GTF3C4: variants seen among roughly 807,000 people sequenced by gnomAD.
The protein encoded by GTF3C4 is general transcription factor 3C polypeptide 4.
GTF3C4 carries 28 observed loss-of-function variants against 67.5 expected under a neutral mutation model. The observed-to-expected ratio is 0.41, with a 90% CI of 0.31 to 0.57. GTF3C4 has a LOEUF of 0.57. GTF3C4 is among the 20% of genes least tolerant of loss of function. The pLI is 0.21. For missense variants in GTF3C4, 831 were observed against 1,033.2 expected (o/e 0.80, Z 2.68); for synonymous variants, 409 against 393.0 (o/e 1.04, Z -0.48).
At chr9:132,670,430 T>C, upstream of GTF3C4, 3 of 977,736 alleles carry the variant, frequency 3.1e-6, no homozygotes, top group Non-Finnish European at 2.8e-6. Context: ...GGCCACCTGG[T>C]AGGGCCGCGT....
chr9:132,673,583 T>C lies in GTF3C4; in HGVS notation c.357+2628T>C, dbSNP rs540134293. Among the ~76,000 whole-genome samples, 30 of 152,326 alleles carry C rather than the reference T, an allele frequency of 2.0e-4. No individual in the cohort carries two copies. The South Asian group carries it at 5.8e-3, about 29-fold the overall frequency. On this transcript the variant is annotated intron_variant, in intron 1 of 4. Coordinates refer to ENST00000372146, the MANE Select transcript of GTF3C4 (RefSeq NM_012204.4). ...TGTAAAGAAGTCTGTGTCAGCACTT[T>C]GATGACTCCACCCATTGGCAGTCTG...
chr9:132,688,138 A>G (rs1836059065), intron 4 of GTF3C4, among the ~76,000 whole-genome samples: 1 of 152,250 alleles, frequency 6.6e-6, no homozygotes, highest in African/African-American at 2.4e-5. Flanking sequence ...CACAAAAGGA[A>G]AGAGAAGGGT....
intron 1 of GTF3C4, among the ~76,000 whole-genome samples, chr9:132,676,120 C>T (rs527436459): frequency 4.0e-5 from 6 of 151,730 alleles, no homozygotes; most frequent in African/African-American, 9.7e-5. Flanking sequence ...AGGATGGTCT[C>T]GATCTCCTGA....
Position 132,678,793 on chromosome 9 carries a change from G to T in GTF3C4, c.1174G>T (p.Val392Leu), listed in dbSNP as rs1329604663. The T allele has an allele frequency of 5.0e-6, 8 of 1,613,788 alleles. No homozygotes were observed. Among genetic ancestry groups the T allele is most frequent in the African/African-American group, 1.3e-5 (1 of 74,924 alleles). The stretch of plus-strand genomic sequence containing the variant: ...CCAGAAGTGTAGTTGCAGCTTAGTA[G>T]TGGCTGCAAGAGGCTCTTATGTATT... ...PYQKCSCSLVVAARGSYVFWC... is the reference protein window; with the variant it reads ...PYQKCSCSLVLAARGSYVFWC... Residue 392 changes from valine (V) to leucine (L), a missense_variant, in exon 2 of 5, where the codon GTG (valine) becomes TTG (leucine). Transcript: ENST00000372146. This position sits in a 1 kb window ranked among gnomAD's most constrained non-coding sequence, Gnocchi z 6.5.
At chr9:132,680,997 A>C (rs1835934761) in intron 2 of GTF3C4, among the ~76,000 whole-genome samples, 1 of 152,198 alleles carries the variant, frequency 6.6e-6, no homozygotes, top group Non-Finnish European at 1.5e-5. Flanking sequence ...AATCCCAGCT[A>C]CTTGGGAGGC....
intron 2 of GTF3C4, 24 bp from the exon 3 acceptor site, chr9:132,683,537 CTT>C (rs777153027): frequency 6.3e-7 from 1 of 1,596,694 alleles, no homozygotes; most frequent in Admixed American, 1.8e-5. Flanking sequence ...TTACACTAAA[CTT>C]TGCTGACTAC....
At position 132,679,692 on chromosome 9, in the gene GTF3C4, C is replaced by T; in HGVS notation, c.2073C>T (p.Val691=). 1.2e-6 allele frequency: 2 copies of T among 1,614,136 alleles called. No homozygotes were observed. The stretch of plus-strand genomic sequence containing the variant: ...TGACCAGGGAACACATGAAGCGAGT[C>T]TTAGGAGAAGTGTATCTGCACACCT... The part of the protein sequence containing the change: ...MHLTREHMKR[V]LGEVYLHTWI... The change falls in exon 2 of 5, where the codon GTC becomes GTT. Residue 691 remains valine (V), a synonymous_variant. Coordinates refer to ENST00000372146, the MANE Select transcript of GTF3C4 (RefSeq NM_012204.4). The surrounding 1 kb of genome is among the most constrained non-coding windows in gnomAD (Gnocchi z 5.9).
rs1836166736 is a variant in GTF3C4 at position 132,694,495 on chromosome 9, C to T, written c.*5550C>T. On this transcript the variant is annotated 3_prime_UTR_variant, in exon 5 of 5. Coordinates refer to ENST00000372146, the MANE Select transcript of GTF3C4 (RefSeq NM_012204.4). Reference sequence around the variant, plus strand: ...CCTTAGCACTACTTAACCTTCTTTTCCTGAAGATTACATATCAGTGTCCTG... The same window carrying T: ...CCTTAGCACTACTTAACCTTCTTTTTCTGAAGATTACATATCAGTGTCCTG... 6.6e-6 allele frequency: 1 copy of T among 152,146 alleles called. No individual in the cohort carries two copies. The highest frequency in any genetic ancestry group is 6.5e-5 in the Admixed American group (1 of 15,280). 9.4% of individuals were successfully genotyped at this position (152,146 alleles called of 1,614,324 possible).
At chr9:132,675,895 C>CTTTTTTTTTTTTTTTTTTTTTTTT (rs72145516) in intron 1 of GTF3C4, among the ~76,000 whole-genome samples, 1 of 89,042 alleles carries the variant, frequency 1.1e-5, no homozygotes, top group Non-Finnish European at 2.0e-5. Flanking sequence ...TCCAGTTACC[C>CTTTTTTTTTTTTTTTTTTTTTTTT]TTTTTTTTTT....
At chr9:132,676,792 CTT>C (rs1835870806) in intron 1 of GTF3C4, among the ~76,000 whole-genome samples, 2 of 152,178 alleles carry the variant, frequency 1.3e-5, no homozygotes, top group South Asian at 2.1e-4. Flanking sequence ...ATTCAAGTGA[CTT>C]TTATTATATC....
intron 3 of GTF3C4, among the ~76,000 whole-genome samples, chr9:132,685,300 C>T (rs887192125): frequency 2.6e-5 from 4 of 151,944 alleles, no homozygotes; most frequent in Admixed American, 6.6e-5. Flanking sequence ...GAACTACAGG[C>T]GTGAGCCACT....
chr9:132,678,051 T>C lies in GTF3C4; in HGVS notation c.432T>C (p.Thr144=), dbSNP rs746959917. The C allele has an allele frequency of 3.0e-5, 49 of 1,614,092 alleles. 1 individual carries two copies. In the South Asian group the frequency reaches 5.3e-4, roughly 17 times the overall value. Residue 144 remains threonine (T), a synonymous_variant, in exon 2 of 5, where the codon ACT becomes ACC. Transcript: ENST00000372146. The surrounding 1 kb of genome is among the most constrained non-coding windows in gnomAD (Gnocchi z 6.5). ...AASKDPTVSQ[T]FMLDRVFNPE... is the part of the protein sequence containing the mutation. The stretch of plus-strand genomic sequence containing the variant: ...CCAAGGACCCCACGGTCAGTCAGAC[T>C]TTCATGTTGGATAGGGTGTTCAACC...
intron 4 of GTF3C4, 32 bp downstream of exon 4, chr9:132,687,359 T>A: frequency 1.9e-5 from 1 of 53,580 alleles, no homozygotes; most frequent in Admixed American, 2.0e-4. Flanking sequence ...GGAGGGTGGG[T>A]GGGTGGAACA....
chr9:132,673,155 C>G (rs1389900911), intron 1 of GTF3C4, among the ~76,000 whole-genome samples: 1 of 152,038 alleles, frequency 6.6e-6, no homozygotes, highest in Non-Finnish European at 1.5e-5. Flanking sequence ...TGTACTCCAG[C>G]CTGGGCGACA....
rs775131333 is a variant in GTF3C4 at position 132,678,994 on chromosome 9, T to C, written c.1375T>C (p.Leu459=). 3 of 1,614,086 alleles carry C rather than the reference T, an allele frequency of 1.9e-6. No individual in the cohort carries two copies. The highest frequency in any genetic ancestry group is 1.3e-5 in the African/African-American group (1 of 74,936). The change falls in exon 2 of 5, where the codon TTG becomes CTG. Residue 459 remains leucine (L), a synonymous_variant. Transcript: ENST00000372146. This position sits in a 1 kb window ranked among gnomAD's most constrained non-coding sequence, Gnocchi z 6.5. The part of the protein sequence containing the change: ...QLIPIFTDVA[L]KFEHQLIKLS... ...GATTCCCATTTTCACAGATGTTGCATTGAAGTTTGAACACCAGTTGATTAA... is the reference window on the plus strand; with the variant it reads ...GATTCCCATTTTCACAGATGTTGCACTGAAGTTTGAACACCAGTTGATTAA...
intron 2 of GTF3C4, among the ~76,000 whole-genome samples, chr9:132,681,601 CT>C (rs763514071): frequency 3.3e-5 from 5 of 152,110 alleles, no homozygotes; most frequent in Non-Finnish European, 4.4e-5. Flanking sequence ...TGAATTGCCC[CT>C]GCCCATGAAG....
At position 132,694,902 on chromosome 9, in the gene GTF3C4, A is replaced by G. The variant is rs1443534934; in HGVS notation, c.*5957A>G. The G allele has an allele frequency of 1.3e-5, 2 of 152,194 alleles. No individual in the cohort carries two copies. The highest frequency in any genetic ancestry group is 2.9e-5 in the Non-Finnish European group (2 of 68,036). The allele number at this position is 152,194 out of a possible 1,614,324, so 9.4% of individuals were successfully genotyped here. On this transcript the variant is annotated 3_prime_UTR_variant, in exon 5 of 5. Coordinates refer to ENST00000372146, the MANE Select transcript of GTF3C4 (RefSeq NM_012204.4). ...GTGGTTTGTATACAGAGCCATTAGT[A>G]TTGTTATTTTGGCCACTTTTTTATT... is the stretch of plus-strand genomic sequence containing the variant.
intron 1 of GTF3C4, among the ~76,000 whole-genome samples, chr9:132,673,642 C>G (rs1835822172): frequency 6.6e-6 from 1 of 152,278 alleles, no homozygotes. Flanking sequence ...GTGCAGCATG[C>G]CTTCGCGCTA....
rs749441382 is a variant in GTF3C4, at chr9:132,688,864, T to C, written c.2405-17T>C. 3 of 1,596,830 alleles carry C rather than the reference T, an allele frequency of 1.9e-6. No homozygotes were observed. Among genetic ancestry groups the C allele is most frequent in the South Asian group, 2.2e-5 (2 of 90,744 alleles). On this transcript the variant is annotated splice_polypyrimidine_tract_variant and intron_variant, in intron 4 of 4. Coordinates refer to ENST00000372146, the MANE Select transcript of GTF3C4 (RefSeq NM_012204.4). ...TTCCGAAGCTAACAGTTGATACCAC[T>C]TGTCCTCCTTTTGCAGATCCCGACT...
Sources: allele counts gnomAD v4.1 joint callset (sites outside exome capture counted in the v4.1 genomes callset), GRCh38; gene constraint gnomAD v4.1.1; non-coding constraint Gnocchi (gnomAD v3.1); transcripts MANE v1.5; gene names NCBI Gene and HGNC (gene_info 2026-07-23, HGNC 2026-07-21).